DNM3: variants seen among roughly 807,000 people sequenced by gnomAD.
DNM3 encodes the protein dynamin 3.
A neutral mutation model predicts 101.6 loss-of-function variants in DNM3; 47 were observed. The ratio of observed to expected loss-of-function variants is 0.46; its 90% CI spans 0.37 to 0.59. The LOEUF (loss-of-function observed/expected upper bound fraction) is 0.59, where lower values mean the gene tolerates loss of function less well. Ranked by LOEUF, DNM3 falls within the 20% of genes least tolerant of loss-of-function variation. DNM3 has a pLI of 0.00. For synonymous variants in DNM3, 385 were observed against 387.9 expected (o/e 0.99, Z 0.09); for missense variants, 849 against 1,085.7 (o/e 0.78, Z 3.06).
chr1:172,067,902 G>A (rs972003560), intron 10 of DNM3, among the ~76,000 whole-genome samples: 4 of 152,180 alleles, frequency 2.6e-5, no homozygotes, highest in South Asian at 2.1e-4. Context: ...AATCATGCTC[G>A]AAGAGTAATG....
At chr1:171,936,002 C>G in intron 2 of DNM3, among the ~76,000 whole-genome samples, 1 of 150,782 alleles carries the variant, frequency 6.6e-6, no homozygotes, top group African/African-American at 2.5e-5. Flanking sequence ...ATTTGATATG[C>G]CCCCTGAAGA....
intron 2 of DNM3, among the ~76,000 whole-genome samples, chr1:171,933,411 A>G (rs558125055): frequency 6.6e-6 from 1 of 152,346 alleles, no homozygotes; most frequent in African/African-American, 2.4e-5. Context: ...GTGCCAGGCA[A>G]ATATTACTGT....
At chr1:171,910,430 A>G (rs985069855) in intron 1 of DNM3, among the ~76,000 whole-genome samples, 1 of 152,310 alleles carries the variant, frequency 6.6e-6, no homozygotes, top group East Asian at 1.9e-4. Flanking sequence ...GGTATACACT[A>G]TCTGCCTGTT....
At chr1:172,017,053 T>A (rs1298889743) in intron 4 of DNM3, among the ~76,000 whole-genome samples, 1 of 152,160 alleles carries the variant, frequency 6.6e-6, no homozygotes, top group African/African-American at 2.4e-5. Flanking sequence ...ATTCTCTTAT[T>A]ATTCTTTTAC....
chr1:172,275,739 G>A (rs2063260468), intron 15 of DNM3, among the ~76,000 whole-genome samples: 1 of 152,164 alleles, frequency 6.6e-6, no homozygotes, highest in Admixed American at 6.6e-5. Context: ...GGAGAACCTG[G>A]CTCCCATGAA....
At chr1:172,395,876 T>C (rs2069943423) in intron 20 of DNM3, among the ~76,000 whole-genome samples, 1 of 152,184 alleles carries the variant, frequency 6.6e-6, no homozygotes, top group Non-Finnish European at 1.5e-5. Context: ...ATGTGGGGGA[T>C]GGGAGGGCAG....
intron 17 of DNM3, among the ~76,000 whole-genome samples, chr1:172,323,912 AG>A (rs2065834472): frequency 6.6e-6 from 1 of 152,104 alleles, no homozygotes; most frequent in African/African-American, 2.4e-5. Flanking sequence ...TGGAAGCAGA[AG>A]GGTGTGGGGA....
chr1:172,400,293 G>A (rs1345767014), intron 20 of DNM3, among the ~76,000 whole-genome samples: 4 of 152,080 alleles, frequency 2.6e-5, no homozygotes, highest in Non-Finnish European at 5.9e-5. Flanking sequence ...GACGAGAAGG[G>A]TCAGAAAAAG....
At chr1:172,219,161 TGG>T (rs946054613) in intron 14 of DNM3, among the ~76,000 whole-genome samples, 14 of 151,872 alleles carry the variant, frequency 9.2e-5, no homozygotes, top group African/African-American at 3.4e-4. Context: ...AAGACCAGCC[TGG>T]GCAACATAGA....
intron 1 of DNM3, among the ~76,000 whole-genome samples, chr1:171,919,313 C>A (rs577674307): frequency 2.0e-5 from 3 of 152,182 alleles, no homozygotes; most frequent in Admixed American, 1.3e-4. Flanking sequence ...CCTGGCCCCC[C>A]ACCCTCTGAC....
chr1:172,050,236 T>C (rs938237188), intron 10 of DNM3, among the ~76,000 whole-genome samples: 1 of 152,178 alleles, frequency 6.6e-6, no homozygotes, highest in African/African-American at 2.4e-5. Context: ...TTTAAAGCTC[T>C]CTTAATTGAT....
chr1:172,390,458 G>A (rs796711660), intron 20 of DNM3, among the ~76,000 whole-genome samples: 28 of 152,078 alleles, frequency 1.8e-4, no homozygotes, highest in African/African-American at 6.3e-4. Flanking sequence ...CAGTACTGAC[G>A]TTTTTGTTGT....
intron 4 of DNM3, among the ~76,000 whole-genome samples, chr1:172,002,983 A>T (rs1453150860): frequency 6.6e-6 from 1 of 152,008 alleles, no homozygotes; most frequent in Non-Finnish European, 1.5e-5. Flanking sequence ...AATTTCCCTG[A>T]TGCTCTTTGT....
chr1:172,242,562 C>T (rs1038644495), intron 14 of DNM3, among the ~76,000 whole-genome samples: 2 of 152,146 alleles, frequency 1.3e-5, no homozygotes, highest in Non-Finnish European at 2.9e-5. Flanking sequence ...CCCACCTCAG[C>T]CTCCTGAGTA....
At chr1:172,231,531 G>C (rs2061336989) in intron 14 of DNM3, among the ~76,000 whole-genome samples, 1 of 152,124 alleles carries the variant, frequency 6.6e-6, no homozygotes, top group Non-Finnish European at 1.5e-5. Flanking sequence ...CTAAAAATCA[G>C]AGCACCTCTC....
rs548081033 is a variant in DNM3, at chr1:172,099,824, A to T, written c.1545+6949A>T. 7.9e-4 allele frequency among the ~76,000 whole-genome samples: 120 copies of T among 152,322 alleles called. 1 individual carries two copies. Among genetic ancestry groups the T allele is most frequent in the African/African-American group, 2.8e-3 (116 of 41,574 alleles). ...GACACTGGAGGGAGGGGCACAAGTG[A>T]TAACTAAAAATATTTGTGGAACATT... On this transcript the variant is annotated intron_variant, in intron 13 of 20. Transcript: ENST00000627582.
intron 2 of DNM3, among the ~76,000 whole-genome samples, chr1:171,933,154 G>T (rs189613739): frequency 6.6e-6 from 1 of 152,172 alleles, no homozygotes. Flanking sequence ...ACTCTGGCTG[G>T]TGTCAGCTGA....
intron 17 of DNM3, among the ~76,000 whole-genome samples, chr1:172,328,763 C>A (rs2066051542): frequency 6.6e-6 from 1 of 152,062 alleles, no homozygotes; most frequent in Non-Finnish European, 1.5e-5. Context: ...ATATAACAAA[C>A]CTGCATATCT....
intron 2 of DNM3, among the ~76,000 whole-genome samples, chr1:171,931,832 A>C (rs2041028972): frequency 6.6e-6 from 1 of 152,132 alleles, no homozygotes; most frequent in Non-Finnish European, 1.5e-5. Context: ...GTTCTATTAT[A>C]ATTGTGTGGA....
Sources: gnomAD v4.1 joint callset for allele counts (sites outside exome capture counted in the v4.1 genomes callset) on GRCh38, gnomAD v4.1.1 for gene constraint, MANE v1.5 for transcripts, NCBI Gene and HGNC (gene_info 2026-07-23, HGNC 2026-07-21) for gene names.